Variants in BMP5 observed in about 807,000 individuals in gnomAD.
BMP5 encodes bone morphogenetic protein 5.
Under a neutral mutation model 46.6 loss-of-function variants are expected in BMP5, and 23 were observed. The ratio of observed to expected loss-of-function variants is 0.49; its 90% CI spans 0.35 to 0.70. The LOEUF (loss-of-function observed/expected upper bound fraction) is 0.70, where lower values mean the gene tolerates loss of function less well. Among genes scored for constraint, BMP5 ranks in the 30% least tolerant of loss-of-function variants. The pLI is 0.00. For synonymous variants in BMP5, 204 were observed against 191.9 expected (o/e 1.06, Z -0.52); for missense variants, 545 against 565.6 (o/e 0.96, Z 0.37).
chr6:55,814,574 G>A (rs2127536578), intron 2 of BMP5, among the ~76,000 whole-genome samples: 1 of 152,080 alleles, frequency 6.6e-6, no homozygotes, highest in East Asian at 1.9e-4. Flanking sequence ...ATTTTCTGTG[G>A]TGACTTTAAA....
chr6:55,819,951 T>C, intron 1 of BMP5, 104 bp from the exon 2 acceptor site: 3 of 1,096,568 alleles, frequency 2.7e-6, no homozygotes, highest in Non-Finnish European at 4.0e-6. Flanking sequence ...ACAAGCAGGA[T>C]AGTATAAAAC....
At chr6:55,871,818 G>A in intron 1 of BMP5, among the ~76,000 whole-genome samples, 1 of 151,572 alleles carries the variant, frequency 6.6e-6, no homozygotes, top group East Asian at 1.9e-4. Flanking sequence ...AATGTCAACA[G>A]ATTCTTTTCA....
At chr6:55,798,244 C>CG (rs1386968940) in intron 2 of BMP5, among the ~76,000 whole-genome samples, 4 of 152,148 alleles carry the variant, frequency 2.6e-5, no homozygotes, top group African/African-American at 9.7e-5. Context: ...CAAAAAAGGT[C>CG]ACATTCTGAG....
intron 4 of BMP5, among the ~76,000 whole-genome samples, chr6:55,768,590 T>C (rs1774972920): frequency 6.6e-6 from 1 of 151,966 alleles, no homozygotes; most frequent in Admixed American, 6.6e-5. Context: ...TATAACCCCA[T>C]TTTAAGTTGA....
intron 1 of BMP5, among the ~76,000 whole-genome samples, chr6:55,822,715 G>T (rs1041857274): frequency 6.6e-6 from 1 of 152,040 alleles, no homozygotes; most frequent in Admixed American, 6.6e-5. Context: ...GTAATCTACC[G>T]TTCTGGAATC....
chr6:55,834,971 A>T (rs1486750810), intron 1 of BMP5, among the ~76,000 whole-genome samples: 1 of 152,100 alleles, frequency 6.6e-6, no homozygotes, highest in Non-Finnish European at 1.5e-5. Flanking sequence ...CTATAATCCC[A>T]GCTAGTCAGG....
intron 4 of BMP5, chr6:55,772,669 G>A (rs765125706): frequency 9.7e-6 from 7 of 721,960 alleles, no homozygotes; most frequent in Non-Finnish European, 1.2e-5. Flanking sequence ...TTAAAAAATA[G>A]CGTTGTAATA....
intron 2 of BMP5, among the ~76,000 whole-genome samples, chr6:55,816,125 A>G (rs774415780): frequency 6.6e-6 from 1 of 152,130 alleles, no homozygotes; most frequent in Non-Finnish European, 1.5e-5. Flanking sequence ...ATAACCAACT[A>G]TAAACTCAAC....
intron 1 of BMP5, among the ~76,000 whole-genome samples, chr6:55,836,413 A>T (rs113201565): frequency 7.9e-5 from 12 of 152,152 alleles, no homozygotes; most frequent in African/African-American, 2.9e-4. Context: ...ACCAACAGAA[A>T]CCTTTTTCTA....
At chr6:55,811,749 GA>G (rs1332569026) in intron 2 of BMP5, among the ~76,000 whole-genome samples, 1 of 149,918 alleles carries the variant, frequency 6.7e-6, no homozygotes, top group East Asian at 2.0e-4. Flanking sequence ...TTTGCCTATG[GA>G]AACTTCCTAC....
At chr6:55,861,439 C>A (rs1407028886) in intron 1 of BMP5, among the ~76,000 whole-genome samples, 1 of 152,218 alleles carries the variant, frequency 6.6e-6, no homozygotes, top group East Asian at 1.9e-4. Context: ...TACCTCTTTT[C>A]TATTTTGCCA....
intron 2 of BMP5, among the ~76,000 whole-genome samples, chr6:55,813,650 G>A (rs1335645556): frequency 2.0e-5 from 3 of 151,932 alleles, no homozygotes; most frequent in Admixed American, 6.6e-5. Context: ...AGCCAGGCGT[G>A]GTGGCAGGCG....
intron 1 of BMP5, among the ~76,000 whole-genome samples, chr6:55,862,853 G>A (rs940839431): frequency 5.9e-5 from 9 of 152,128 alleles, no homozygotes; most frequent in African/African-American, 2.2e-4. Context: ...TGGACTAAAA[G>A]GCTTCCATAG....
chr6:55,796,108 T>G (rs149629111), intron 2 of BMP5, among the ~76,000 whole-genome samples: 60 of 152,318 alleles, frequency 3.9e-4, no homozygotes, highest in African/African-American at 1.3e-3. Context: ...CACTGTTCAC[T>G]TCTTAAACAG....
intron 1 of BMP5, among the ~76,000 whole-genome samples, chr6:55,822,019 TTATTAA>T (rs1300616907): frequency 6.6e-6 from 1 of 152,208 alleles, no homozygotes; most frequent in Non-Finnish European, 1.5e-5. Context: ...TTTTATCATC[TTATTAA>T]TATTAACATA....
At chr6:55,827,529 A>T (rs557480584) in intron 1 of BMP5, among the ~76,000 whole-genome samples, 1 of 151,892 alleles carries the variant, frequency 6.6e-6, no homozygotes, top group East Asian at 1.9e-4. Context: ...ATATCAGTGT[A>T]ATCAAATTTA....
Position 55,754,439 on chromosome 6 carries a change from GAT to G in BMP5, c.*1092_*1093del, listed in dbSNP as rs1362577406. 6.6e-6 allele frequency: 1 copy of G among 151,880 alleles called. No individual in the cohort carries two copies. The highest frequency in any genetic ancestry group is 1.5e-5 in the Non-Finnish European group (1 of 67,902). 9.4% of individuals were successfully genotyped at this position (151,880 alleles called of 1,614,324 possible). A position where few individuals can be genotyped will look rare whatever the true frequency, so the allele number is the denominator to read the frequency against. On this transcript the variant is annotated 3_prime_UTR_variant, in exon 7 of 7. Transcript: ENST00000370830. ...GGTTTTCATTGAGCTCACTCTCAAAGATATGAAAAATGAATTTCAGCTGTTCT... is the reference window on the plus strand; with the variant it reads ...GGTTTTCATTGAGCTCACTCTCAAAGATGAAAAATGAATTTCAGCTGTTCT...
intron 1 of BMP5, among the ~76,000 whole-genome samples, chr6:55,861,232 G>T (rs1356414764): frequency 6.6e-6 from 1 of 152,162 alleles, no homozygotes; most frequent in African/African-American, 2.4e-5. Context: ...CTACTAATTT[G>T]CTGGCCAATC....
At chr6:55,830,877 T>C (rs1341333982) in intron 1 of BMP5, among the ~76,000 whole-genome samples, 1 of 152,166 alleles carries the variant, frequency 6.6e-6, no homozygotes, top group Non-Finnish European at 1.5e-5. Flanking sequence ...GTTTGAGTAT[T>C]AGAAGTTTAC....
Sources: gnomAD v4.1 joint callset for allele counts (sites outside exome capture counted in the v4.1 genomes callset) on GRCh38, gnomAD v4.1.1 for gene constraint, MANE v1.5 for transcripts, NCBI Gene and HGNC (gene_info 2026-07-23, HGNC 2026-07-21) for gene names.